The following WWC2 variants were observed in gnomAD, a reference collection of about 807,000 sequenced individuals.
WWC2 encodes protein WWC2.
Under a neutral mutation model 138.5 loss-of-function variants are expected in WWC2, and 101 were observed. The ratio of observed to expected loss-of-function variants is 0.73; its 90% CI spans 0.62 to 0.86. The LOEUF (loss-of-function observed/expected upper bound fraction) is 0.86. Among genes scored for constraint, WWC2 ranks in the 40% least tolerant of loss-of-function variants. The probability of loss-of-function intolerance (pLI) is 0.00; values close to 1 mark genes in which losing one functional copy is unlikely to be tolerated. For synonymous variants in WWC2, 558 were observed against 538.4 expected (o/e 1.04, Z -0.50); for missense variants, 1,420 against 1,419.4 (o/e 1.00, Z -0.01).
At chr4:183,192,854 GA>G (rs766705503) in intron 1 of WWC2, among the ~76,000 whole-genome samples, 18 of 149,328 alleles carry the variant, frequency 1.2e-4, no homozygotes, top group Non-Finnish European at 1.5e-4. Flanking sequence ...AAGAGAGTGA[GA>G]AAAAAAAAAT....
intron 4 of WWC2, among the ~76,000 whole-genome samples, chr4:183,212,512 T>TA (rs1560845876): frequency 1.3e-5 from 2 of 152,212 alleles, no homozygotes; most frequent in African/African-American, 4.8e-5. Flanking sequence ...TGTCAAAACT[T>TA]ACTCTCAATA....
chr4:183,277,329 C>T lies in WWC2; in HGVS notation c.2563-3447C>T, dbSNP rs547087252. ...ATGAACTCATCATTTTTTATGGCTG[C>T]GTAGTATTCCATGGTGTATATGTGC... On this transcript the variant is annotated intron_variant, in intron 16 of 22. Coordinates refer to ENST00000403733, the MANE Select transcript of WWC2 (RefSeq NM_024949.6). Among the ~76,000 whole-genome samples the T allele has an allele frequency of 4.4e-3, 666 of 151,444 alleles. 6 individuals carry two copies. Among genetic ancestry groups the T allele is most frequent in the South Asian group, 0.022 (106 of 4,786 alleles).
intron 4 of WWC2, among the ~76,000 whole-genome samples, chr4:183,235,278 C>T (rs1012268664): frequency 2.6e-5 from 4 of 152,156 alleles, no homozygotes; most frequent in Admixed American, 2.6e-4. Context: ...TAAAATTTCA[C>T]TCATATCACC....
At chr4:183,312,784 C>T (rs577025997) in intron 22 of WWC2, among the ~76,000 whole-genome samples, 5 of 152,148 alleles carry the variant, frequency 3.3e-5, no homozygotes, top group East Asian at 1.9e-4. Context: ...GGATTTTGTT[C>T]GCTCATTTTA....
At chr4:183,309,783 A>T (rs1296038437) in intron 21 of WWC2, among the ~76,000 whole-genome samples, 1 of 152,260 alleles carries the variant, frequency 6.6e-6, no homozygotes, top group African/African-American at 2.4e-5. Flanking sequence ...CAGCAGCCTT[A>T]TTCATAATAG....
intron 7 of WWC2, 125 bp from the exon 8 acceptor site, chr4:183,249,795 T>C (rs773351805): frequency 1.5e-6 from 1 of 674,978 alleles, no homozygotes; most frequent in East Asian, 2.8e-5. Flanking sequence ...TTAAAATTGG[T>C]GTTTCCCGAT....
chr4:183,155,806 T>C lies in WWC2; in HGVS notation c.132-37793T>C, dbSNP rs141877244. ...CTAACAGAGAATCTACTCAGAGTCATTGAGCCAAGACACCCCTTAAGAAGA... is the reference window on the plus strand; with the variant it reads ...CTAACAGAGAATCTACTCAGAGTCACTGAGCCAAGACACCCCTTAAGAAGA... On this transcript the variant is annotated intron_variant, in intron 1 of 22. Coordinates refer to ENST00000403733, the MANE Select transcript of WWC2 (RefSeq NM_024949.6). Among the ~76,000 whole-genome samples the C allele has an allele frequency of 1.4e-3, 211 of 152,292 alleles. 1 individual carries two copies. Among genetic ancestry groups the C allele is most frequent in the African/African-American group, 4.9e-3 (203 of 41,556 alleles).
intron 10 of WWC2, 37 bp from the exon 11 acceptor site, chr4:183,260,873 G>A: frequency 1.9e-6 from 3 of 1,602,844 alleles, no homozygotes; most frequent in Non-Finnish European, 2.6e-6. Flanking sequence ...TTTCCATTTT[G>A]TAACAGATTT....
At chr4:183,162,832 C>A (rs1413189516) in intron 1 of WWC2, among the ~76,000 whole-genome samples, 1 of 152,158 alleles carries the variant, frequency 6.6e-6, no homozygotes, top group African/African-American at 2.4e-5. Flanking sequence ...TAGAGCATGT[C>A]CTTAGGGTCT....
intron 2 of WWC2, among the ~76,000 whole-genome samples, chr4:183,199,947 T>TTACTC (rs961340611): frequency 3.4e-4 from 52 of 152,336 alleles, no homozygotes; most frequent in African/African-American, 1.2e-3. Context: ...TATACTTGAG[T>TTACTC]ATTTACATTT....
chr4:183,234,797 A>G (rs1005831413), intron 4 of WWC2, among the ~76,000 whole-genome samples: 7 of 152,188 alleles, frequency 4.6e-5, no homozygotes, highest in African/African-American at 1.7e-4. Context: ...CTTAGCTCTC[A>G]TTATTGCTTC....
intron 1 of WWC2, among the ~76,000 whole-genome samples, chr4:183,162,715 A>G (rs908712564): frequency 1.1e-4 from 16 of 152,160 alleles, no homozygotes; most frequent in South Asian, 2.1e-4. Flanking sequence ...TTCTTCAGCC[A>G]TTCTTCTTAC....
intron 2 of WWC2, among the ~76,000 whole-genome samples, chr4:183,200,854 G>C (rs544670758): frequency 6.6e-6 from 1 of 152,268 alleles, no homozygotes; most frequent in East Asian, 1.9e-4. Context: ...GTAATATCTT[G>C]TCACTTATTC....
intron 22 of WWC2, among the ~76,000 whole-genome samples, chr4:183,314,875 T>C (rs1739382835): frequency 1.3e-5 from 2 of 152,308 alleles, no homozygotes; most frequent in South Asian, 4.1e-4. Context: ...CTCTATCCTT[T>C]CTTAGTCTTC....
intron 18 of WWC2, among the ~76,000 whole-genome samples, chr4:183,283,796 TTTAA>T (rs1163646523): frequency 2.6e-5 from 4 of 152,242 alleles, no homozygotes; most frequent in African/African-American, 7.2e-5. Context: ...TTTTCTTATA[TTTAA>T]TTATCTTTAT....
intron 19 of WWC2, among the ~76,000 whole-genome samples, 175 bp downstream of exon 19, chr4:183,284,565 T>G (rs1347365045): frequency 6.6e-6 from 1 of 152,234 alleles, no homozygotes; most frequent in Non-Finnish European, 1.5e-5. Context: ...CCTTTTAGTT[T>G]GTTTGTTTTT....
chr4:183,217,809 A>C (rs1302813164), intron 4 of WWC2, among the ~76,000 whole-genome samples: 2 of 152,060 alleles, frequency 1.3e-5, no homozygotes, highest in Non-Finnish European at 2.9e-5. Flanking sequence ...ATAGTTAGAC[A>C]TGTGTAATTA....
At chr4:183,222,351 A>G (rs1189959558) in intron 4 of WWC2, among the ~76,000 whole-genome samples, 1 of 151,944 alleles carries the variant, frequency 6.6e-6, no homozygotes, top group Non-Finnish European at 1.5e-5. Context: ...TATTTTATAT[A>G]TATGTAAAAT....
At chr4:183,107,151 C>CT (rs1319458681) in intron 1 of WWC2, among the ~76,000 whole-genome samples, 4 of 151,880 alleles carry the variant, frequency 2.6e-5, no homozygotes, top group Non-Finnish European at 5.9e-5. Context: ...TCTCTCTTTT[C>CT]TTTTTTTCTT....
Sources: gnomAD v4.1 joint callset for allele counts (sites outside exome capture counted in the v4.1 genomes callset) on GRCh38, gnomAD v4.1.1 for gene constraint, MANE v1.5 for transcripts, NCBI Gene and HGNC (gene_info 2026-07-23, HGNC 2026-07-21) for gene names.